Variants in FANCC observed in about 807,000 individuals in gnomAD.
FANCC encodes the protein Fanconi anemia group C protein.
FANCC carries 55 observed loss-of-function variants against 71.3 expected under a neutral mutation model. That is an observed-to-expected ratio of 0.77 (90% CI 0.62 to 0.97). The LOEUF is 0.97. Among genes scored for constraint, FANCC ranks in the 50% least tolerant of loss-of-function variants. The probability of loss-of-function intolerance (pLI) is 0.00; values close to 1 mark genes in which losing one functional copy is unlikely to be tolerated. For missense variants in FANCC, 678 were observed against 670.9 expected, an observed-to-expected ratio of 1.01 and a Z score of -0.12; for synonymous variants, 275 against 244.9, an observed-to-expected ratio of 1.12 and a Z score of -1.15.
intron 14 of FANCC, among the ~76,000 whole-genome samples, chr9:95,104,540 T>C (rs1194790256): frequency 6.6e-6 from 1 of 152,182 alleles, no homozygotes; most frequent in African/African-American, 2.4e-5. Flanking sequence ...AGGCTGGCCC[T>C]TGCAGCATCT....
chr9:95,205,563 A>T (rs1052863009), intron 4 of FANCC, among the ~76,000 whole-genome samples: 1 of 138,812 alleles, frequency 7.2e-6, no homozygotes, highest in Non-Finnish European at 1.6e-5. Context: ...GTTTTTCTTT[A>T]AAAAAAAAAA....
At chr9:95,273,538 T>G (rs1832857608) in intron 1 of FANCC, among the ~76,000 whole-genome samples, 1 of 152,194 alleles carries the variant, frequency 6.6e-6, no homozygotes, top group Non-Finnish European at 1.5e-5. Context: ...TCTCAGGGTG[T>G]CCACATTTCT....
intron 1 of FANCC, among the ~76,000 whole-genome samples, chr9:95,313,750 G>T (rs1008907945): frequency 6.6e-6 from 1 of 151,984 alleles, no homozygotes; most frequent in African/African-American, 2.4e-5. Flanking sequence ...TATGTAAAAA[G>T]GATTATATAA....
intron 4 of FANCC, among the ~76,000 whole-genome samples, chr9:95,207,377 A>C (rs356685): frequency 0.94 from 142,975 of 152,290 alleles, 67,123 homozygotes; most frequent in Middle Eastern, 0.98. Context: ...CCAAGAAGAA[A>C]CCTTTCATCT....
At chr9:95,228,773 A>G (rs1377606021) in intron 4 of FANCC, among the ~76,000 whole-genome samples, 1 of 151,880 alleles carries the variant, frequency 6.6e-6, no homozygotes, top group Non-Finnish European at 1.5e-5. Flanking sequence ...GTTCTCGGAG[A>G]GGAGCAGTGA....
chr9:95,104,566 A>G (rs73528466), intron 14 of FANCC, among the ~76,000 whole-genome samples: 3,364 of 152,244 alleles, frequency 0.022, 122 homozygotes, highest in African/African-American at 0.077. Context: ...ACTCCCAGCA[A>G]TGTCTCTGGG....
chr9:95,209,247 A>G (rs183381212), intron 4 of FANCC, among the ~76,000 whole-genome samples: 5 of 152,306 alleles, frequency 3.3e-5, no homozygotes, highest in Admixed American at 3.3e-4. Context: ...GAACAGGGAG[A>G]GCACGAATAA....
chr9:95,167,490 T>C (rs547871600), intron 6 of FANCC, among the ~76,000 whole-genome samples: 6 of 152,316 alleles, frequency 3.9e-5, no homozygotes, highest in Non-Finnish European at 8.8e-5. Context: ...TTCTTGACTT[T>C]CCTTCATTCT....
intron 14 of FANCC, among the ~76,000 whole-genome samples, chr9:95,105,620 T>C (rs969923763): frequency 1.3e-5 from 2 of 152,206 alleles, no homozygotes; most frequent in African/African-American, 4.8e-5. Flanking sequence ...GGCCGTCTCC[T>C]GCCCCTTTCC....
intron 7 of FANCC, among the ~76,000 whole-genome samples, chr9:95,138,331 C>T (rs1588143400): frequency 6.6e-6 from 1 of 152,220 alleles, no homozygotes. Context: ...CGTGCCTGTG[C>T]TTATGCCCCT....
At chr9:95,309,905 T>G (rs112748243) in intron 1 of FANCC, among the ~76,000 whole-genome samples, 9 of 152,330 alleles carry the variant, frequency 5.9e-5, no homozygotes, top group Admixed American at 3.9e-4. Flanking sequence ...AGGTCAGGAA[T>G]CTGCTACTAA....
chr9:95,282,358 GAT>G (rs1036269003), intron 1 of FANCC, among the ~76,000 whole-genome samples: 2 of 151,996 alleles, frequency 1.3e-5, no homozygotes, highest in Non-Finnish European at 2.9e-5. Flanking sequence ...TCAGCAAAAG[GAT>G]ATGTTACATA....
chr9:95,214,927 T>C (rs549624875), intron 4 of FANCC, among the ~76,000 whole-genome samples: 2 of 152,308 alleles, frequency 1.3e-5, no homozygotes, highest in East Asian at 3.9e-4. Flanking sequence ...AATAGCTGCA[T>C]AACAATATGA....
chr9:95,220,773 C>T (rs947352344), intron 4 of FANCC, among the ~76,000 whole-genome samples: 8 of 151,732 alleles, frequency 5.3e-5, no homozygotes, highest in South Asian at 2.1e-4. Context: ...ATGTAAATGA[C>T]GAGTTAATGG....
chr9:95,175,440 G>C (rs541374619), intron 4 of FANCC, among the ~76,000 whole-genome samples: 1 of 152,142 alleles, frequency 6.6e-6, no homozygotes, highest in East Asian at 1.9e-4. Flanking sequence ...GAGAAGGATG[G>C]GGCCACTTGC....
intron 4 of FANCC, among the ~76,000 whole-genome samples, chr9:95,198,951 G>C (rs1366465917): frequency 6.6e-6 from 1 of 151,956 alleles, no homozygotes; most frequent in African/African-American, 2.4e-5. Context: ...TGTTGCCCAG[G>C]CTGGCCAGGA....
At chr9:95,161,309 C>A (rs1002793222) in intron 6 of FANCC, among the ~76,000 whole-genome samples, 2 of 152,118 alleles carry the variant, frequency 1.3e-5, no homozygotes, top group African/African-American at 2.4e-5. Flanking sequence ...GAAGCCAGCC[C>A]GAAATGGCTA....
chr9:95,204,680 G>A (rs1019150398), intron 4 of FANCC, among the ~76,000 whole-genome samples: 3 of 152,070 alleles, frequency 2.0e-5, no homozygotes, highest in South Asian at 2.1e-4. Context: ...TGTTGACTTC[G>A]AAAATCAAAC....
At chr9:95,156,437 G>T (rs1830465620) in intron 6 of FANCC, among the ~76,000 whole-genome samples, 1 of 152,102 alleles carries the variant, frequency 6.6e-6, no homozygotes, top group Non-Finnish European at 1.5e-5. Flanking sequence ...TTTCTTTAAA[G>T]AATTTTATAA....
Sources: gnomAD v4.1 joint callset for allele counts (sites outside exome capture counted in the v4.1 genomes callset) on GRCh38, gnomAD v4.1.1 for gene constraint, MANE v1.5 for transcripts, NCBI Gene and HGNC (gene_info 2026-07-23, HGNC 2026-07-21) for gene names.